Variants in AGBL1 observed in about 807,000 individuals in gnomAD.
The protein encoded by AGBL1 is AGBL carboxypeptidase 1, also known as cytosolic carboxypeptidase 4.
AGBL1 carries 130 observed loss-of-function variants against 118.9 expected under a neutral mutation model. That is an observed-to-expected ratio of 1.09 (90% CI 0.95 to 1.26). The LOEUF (loss-of-function observed/expected upper bound fraction) is 1.26, where lower values mean the gene tolerates loss of function less well. Ranked by LOEUF, AGBL1 falls within the 50% of genes most tolerant of loss-of-function variation. AGBL1 has a pLI of 0.00. For missense variants in AGBL1, 1,584 were observed against 1,298.1 expected, an observed-to-expected ratio of 1.22 and a Z score of -3.38; for synonymous variants, 555 against 478.9, an observed-to-expected ratio of 1.16 and a Z score of -2.08.
At chr15:86,184,065 A>G (rs569049448) in intron 5 of AGBL1, among the ~76,000 whole-genome samples, 11 of 152,304 alleles carry the variant, frequency 7.2e-5, no homozygotes, top group African/African-American at 1.9e-4. Flanking sequence ...ACAGAAAGAG[A>G]TAAAGTGTTA....
intron 17 of AGBL1, among the ~76,000 whole-genome samples, chr15:86,362,325 T>C (rs1200218307): frequency 1.3e-5 from 2 of 152,206 alleles, no homozygotes; most frequent in East Asian, 1.9e-4. Context: ...GTTAAACTGG[T>C]TTATATTACA....
At chr15:86,591,317 C>T (rs2084332004) in intron 21 of AGBL1, among the ~76,000 whole-genome samples, 1 of 152,162 alleles carries the variant, frequency 6.6e-6, no homozygotes, top group African/African-American at 2.4e-5. Context: ...TGGACACCTG[C>T]TGGATGTCCT....
chr15:86,412,194 C>T (rs1485741455), intron 18 of AGBL1, among the ~76,000 whole-genome samples: 1 of 152,212 alleles, frequency 6.6e-6, no homozygotes, highest in African/African-American at 2.4e-5. Context: ...GACATGCATT[C>T]ACCCTAACAT....
chr15:86,164,157 G>A (rs1393178535), intron 5 of AGBL1, among the ~76,000 whole-genome samples: 2 of 152,254 alleles, frequency 1.3e-5, no homozygotes, highest in African/African-American at 4.8e-5. Context: ...GGAGGGGCAT[G>A]TGGGGACAGC....
intron 21 of AGBL1, among the ~76,000 whole-genome samples, chr15:86,587,828 T>C (rs2084275867): frequency 6.6e-6 from 1 of 152,158 alleles, no homozygotes; most frequent in South Asian, 2.1e-4. Context: ...CTGGGCTGTG[T>C]TACATCCAGG....
intron 17 of AGBL1, among the ~76,000 whole-genome samples, chr15:86,302,315 AGT>A (rs1230895009): frequency 6.6e-5 from 10 of 152,194 alleles, no homozygotes; most frequent in Non-Finnish European, 1.5e-4. Flanking sequence ...TAAGAAAGAC[AGT>A]AATTATTACA....
chr15:86,756,828 C>A (rs991375375), intron 22 of AGBL1, among the ~76,000 whole-genome samples: 1 of 151,824 alleles, frequency 6.6e-6, no homozygotes, highest in African/African-American at 2.4e-5. Flanking sequence ...TAGAGTTTGT[C>A]AATAGGATAA....
chr15:86,984,631 T>C (rs1337156117), intron 23 of AGBL1, among the ~76,000 whole-genome samples: 1 of 152,142 alleles, frequency 6.6e-6, no homozygotes, highest in African/African-American at 2.4e-5. Context: ...CCCAAAGTGC[T>C]GGGGTTACAG....
At chr15:86,579,352 C>A (rs925395254) in intron 21 of AGBL1, among the ~76,000 whole-genome samples, 7 of 152,092 alleles carry the variant, frequency 4.6e-5, no homozygotes, top group Non-Finnish European at 1.0e-4. Flanking sequence ...AGATTTATAA[C>A]AAATATTTAG....
At position 86,913,294 on chromosome 15, in the gene AGBL1, C is replaced by T. The variant is rs1417395031; in HGVS notation, c.*6000C>T. On this transcript the variant is annotated 3_prime_UTR_variant, in exon 23 of 23. Coordinates refer to ENST00000614907, the MANE Select transcript of AGBL1 (RefSeq NM_001386094.1). ...GATCCTCAGACACATGACACATGTT[C>T]ATACAGGTGAGGGGCAGCTGGTTGA... 6.6e-6 allele frequency: 1 copy of T among 152,050 alleles called. No individual in the cohort carries two copies. The highest frequency in any genetic ancestry group is 1.5e-5 in the Non-Finnish European group (1 of 68,058). 9.4% of individuals were successfully genotyped at this position (152,050 alleles called of 1,614,324 possible).
rs886922238 is a variant in AGBL1, at chr15:86,828,678, G to A, written c.3159-78409G>A. Among the ~76,000 whole-genome samples the A allele has an allele frequency of 2.0e-5, 3 of 152,100 alleles. 1 individual carries two copies. The South Asian group carries it at 6.2e-4, about 31-fold the overall frequency. The stretch of plus-strand genomic sequence containing the variant: ...CTTCTGACACCTTGCCTTTAGCCCA[G>A]TGAAATTAGTTACAGACATCTTGTC... On this transcript the variant is annotated intron_variant, in intron 22 of 22. Coordinates refer to ENST00000614907, the MANE Select transcript of AGBL1 (RefSeq NM_001386094.1).
chr15:86,758,899 G>A (rs866666313), intron 22 of AGBL1, among the ~76,000 whole-genome samples: 17 of 150,462 alleles, frequency 1.1e-4, no homozygotes, highest in Middle Eastern at 6.9e-3. Flanking sequence ...TTTGAGCCTG[G>A]GAGGCAGAGG....
intron 5 of AGBL1, among the ~76,000 whole-genome samples, chr15:86,208,421 T>C (rs1294256072): frequency 6.6e-6 from 1 of 152,202 alleles, no homozygotes; most frequent in Non-Finnish European, 1.5e-5. Context: ...GTACCTCTGG[T>C]AGAATTTGGC....
chr15:86,293,527 G>A (rs2079582534), intron 16 of AGBL1, among the ~76,000 whole-genome samples: 1 of 152,078 alleles, frequency 6.6e-6, no homozygotes, highest in South Asian at 2.1e-4. Flanking sequence ...TGATTAGATT[G>A]GCCACAACTG....
chr15:86,427,300 A>C (rs1321264399), intron 18 of AGBL1, among the ~76,000 whole-genome samples: 1 of 152,190 alleles, frequency 6.6e-6, no homozygotes, highest in African/African-American at 2.4e-5. Flanking sequence ...TAATGTTCAC[A>C]GCCGAAAAAC....
At position 86,477,542 on chromosome 15, in the gene AGBL1, A is replaced by T. The variant is rs2082579420; in HGVS notation, c.2556-45268A>T. The stretch of plus-strand genomic sequence containing the variant: ...CCAAGACTAAACCAGGAAGAAGTTG[A>T]ATCTCTGAATAGACCAATAACAGGC... On this transcript the variant is annotated intron_variant, in intron 18 of 22. Transcript: ENST00000614907. 2.0e-5 allele frequency among the ~76,000 whole-genome samples: 3 copies of T among 152,342 alleles called. No individual in the cohort carries two copies. In the South Asian group the frequency reaches 6.2e-4, roughly 32 times the overall value.
chr15:86,903,425 G>A (rs1171465991), intron 22 of AGBL1, among the ~76,000 whole-genome samples: 4 of 150,376 alleles, frequency 2.7e-5, no homozygotes, highest in African/African-American at 9.8e-5. Flanking sequence ...TTTTTCATTT[G>A]TTTCATGTGT....
At chr15:86,533,107 A>C (rs2083373658) in intron 19 of AGBL1, among the ~76,000 whole-genome samples, 1 of 71,424 alleles carries the variant, frequency 1.4e-5, no homozygotes, top group Non-Finnish European at 2.3e-5. Context: ...CAAAATTGAC[A>C]AATGGGATCT....
chr15:86,137,552 A>T (rs2076905553), intron 1 of AGBL1, among the ~76,000 whole-genome samples: 1 of 152,200 alleles, frequency 6.6e-6, no homozygotes, highest in African/African-American at 2.4e-5. Flanking sequence ...TTGTGTCTTC[A>T]TACGGCAATG....
Sources: gnomAD v4.1 joint callset for allele counts (sites outside exome capture counted in the v4.1 genomes callset) on GRCh38, gnomAD v4.1.1 for gene constraint, MANE v1.5 for transcripts, NCBI Gene and HGNC (gene_info 2026-07-23, HGNC 2026-07-21) for gene names.